The following GLG1 variants were observed in gnomAD, a reference collection of about 807,000 sequenced individuals.
GLG1 encodes Golgi apparatus protein 1.
In GLG1, 38 loss-of-function variants were observed where a neutral mutation model predicts 160.5. The ratio of observed to expected loss-of-function variants is 0.24; its 90% CI spans 0.18 to 0.31. The LOEUF is 0.31. Ranked by LOEUF, GLG1 falls within the 10% of genes least tolerant of loss-of-function variation. The probability of loss-of-function intolerance (pLI) is 1.00; values close to 1 mark genes in which losing one functional copy is unlikely to be tolerated. For missense variants in GLG1, 1,373 were observed against 1,505.2 expected, an observed-to-expected ratio of 0.91 and a Z score of 1.45; for synonymous variants, 644 against 543.4, an observed-to-expected ratio of 1.19 and a Z score of -2.57.
chr16:74,503,775 A>G (rs372303534), intron 3 of GLG1, 29 bp from the exon 4 acceptor site: 20 of 1,381,344 alleles, frequency 1.4e-5, no homozygotes, highest in Non-Finnish European at 1.5e-5. Context: ...CTGTTTTACA[A>G]AAGTGTTCCA....
chr16:74,513,079 C>T (rs764075037), intron 2 of GLG1, among the ~76,000 whole-genome samples: 9 of 152,164 alleles, frequency 5.9e-5, no homozygotes, highest in Non-Finnish European at 1.3e-4. Flanking sequence ...GGTCAGATCA[C>T]ATTGAATACC....
chr16:74,556,130 G>A (rs185962048), intron 1 of GLG1, among the ~76,000 whole-genome samples: 1 of 152,134 alleles, frequency 6.6e-6, no homozygotes, highest in Non-Finnish European at 1.5e-5. Context: ...TGAGCCACTG[G>A]TAAGAATAAA....
At chr16:74,603,425 G>C (rs1179990678) in intron 1 of GLG1, among the ~76,000 whole-genome samples, 1 of 136,944 alleles carries the variant, frequency 7.3e-6, no homozygotes, top group Non-Finnish European at 1.6e-5. Context: ...AAAAAAAAAA[G>C]AAAATCTAAT....
At chr16:74,498,448 G>GTACATATATATATATATATATATATA (rs2016281642) in intron 4 of GLG1, among the ~76,000 whole-genome samples, 1 of 24,038 alleles carries the variant, frequency 4.2e-5, no homozygotes, top group Non-Finnish European at 7.7e-5. Context: ...AAAAAAAAAA[G>GTACATATATATATATATATATATATA]TATATATATA....
chr16:74,513,137 G>GTTATC (rs2016867133), intron 2 of GLG1, among the ~76,000 whole-genome samples: 1 of 152,144 alleles, frequency 6.6e-6, no homozygotes, highest in Non-Finnish European at 1.5e-5. Context: ...GAAATGGAAG[G>GTTATC]TTAATGGATA....
chr16:74,497,066 G>C (rs747081782), intron 4 of GLG1, among the ~76,000 whole-genome samples: 1 of 152,004 alleles, frequency 6.6e-6, no homozygotes, highest in African/African-American at 2.4e-5. Flanking sequence ...ATCACCTGAG[G>C]TCAGGAGTTC....
At chr16:74,575,010 G>GCGGC (rs1555518662) in intron 1 of GLG1, among the ~76,000 whole-genome samples, 1 of 38,166 alleles carries the variant, frequency 2.6e-5, no homozygotes, top group African/African-American at 1.0e-4. Flanking sequence ...GGAGGCCGGG[G>GCGGC]GGGGGGGGGG....
In GLG1 at chr16:74,491,091, G is replaced by A. The variant is rs769406111; in HGVS notation, c.1359C>T (p.Ser453=). 23 of 1,613,884 alleles carry A rather than the reference G, an allele frequency of 1.4e-5. No homozygotes were observed. Among genetic ancestry groups the A allele is most frequent in the African/African-American group, 6.7e-5 (5 of 74,872 alleles). ...SCRGEIEHHC[S]GLHRKGRTLH... The stretch of plus-strand genomic sequence containing the variant: ...GGGTCCGCCCTTTTCGATGTAATCC[G>A]GAACAATGGTGTTCAATCTCCCCCC... The change falls in exon 8 of 26, where the codon TCC becomes TCT. Residue 453 remains serine, a synonymous_variant. Coordinates refer to ENST00000422840, the MANE Select transcript of GLG1 (RefSeq NM_001145667.2).
intron 2 of GLG1, among the ~76,000 whole-genome samples, chr16:74,523,279 C>T (rs1205583198): frequency 6.6e-6 from 1 of 152,258 alleles, no homozygotes; most frequent in South Asian, 2.1e-4. Flanking sequence ...GAATGGCATA[C>T]ATTAAGGGTT....
intron 1 of GLG1, among the ~76,000 whole-genome samples, chr16:74,539,389 C>T (rs532135869): frequency 6.6e-6 from 1 of 152,164 alleles, no homozygotes; most frequent in East Asian, 1.9e-4. Flanking sequence ...ATCCCTGGTT[C>T]TTAAAAGGTC....
At chr16:74,471,335 CA>C (rs1271100579) in intron 14 of GLG1, 49 bp from the exon 15 acceptor site, 1 of 1,056,900 alleles carries the variant, frequency 9.5e-7, no homozygotes, top group Non-Finnish European at 1.5e-6. Context: ...AATTAATGAA[CA>C]AAACTTGTAG....
chr16:74,508,656 G>GT lies in GLG1; in HGVS notation c.558+182dup, dbSNP rs1441093334. ...CTGCCTCAATCAATAGTATCCTAAT[G>GT]TAAGCGTAGGTGGACATTAACAAAA... On this transcript the variant is annotated intron_variant, in intron 3 of 25. Coordinates refer to ENST00000422840, the MANE Select transcript of GLG1 (RefSeq NM_001145667.2). Among the ~76,000 whole-genome samples, 5 of 152,226 alleles carry GT rather than the reference G, an allele frequency of 3.3e-5. No individual in the cohort carries two copies. The South Asian group carries it at 1.0e-3, about 32-fold the overall frequency.
In GLG1 at chr16:74,448,194, G is replaced by T. The variant is rs1334782618; in HGVS notation, c.*4973C>A. On this transcript the variant is annotated 3_prime_UTR_variant, in exon 26 of 26. Transcript: ENST00000422840. Reference sequence around the variant, plus strand: ...ATGACTTATCTATTATCTGAAGTCTGTGGAGGAAGGACCAAGAAGGGGTGC... The same window carrying T: ...ATGACTTATCTATTATCTGAAGTCTTTGGAGGAAGGACCAAGAAGGGGTGC... 6.6e-6 allele frequency: 1 copy of T among 152,290 alleles called. No individual in the cohort carries two copies. The highest frequency in any genetic ancestry group is 1.5e-5 in the Non-Finnish European group (1 of 68,094). 9.4% of individuals were successfully genotyped at this position (152,290 alleles called of 1,614,324 possible).
intron 1 of GLG1, among the ~76,000 whole-genome samples, chr16:74,560,065 A>G (rs1016558887): frequency 1.3e-5 from 2 of 152,090 alleles, no homozygotes; most frequent in Non-Finnish European, 1.5e-5. Context: ...ATGATGGTTA[A>G]TTTTTTGTGT....
In GLG1 at chr16:74,483,007, G is replaced by C. The variant is rs779711634; in HGVS notation, c.1673+16C>G. On this transcript the variant is annotated intron_variant, in intron 10 of 25. Transcript: ENST00000422840. ...AGGCTGAGGCAATACATTTACTTTG[G>C]CTTCAAAATACTCACTTCCAATCCC... The C allele has an allele frequency of 1.5e-6, 2 of 1,364,716 alleles. No individual in the cohort carries two copies. Among genetic ancestry groups the C allele is most frequent in the South Asian group, 2.3e-5 (2 of 85,986 alleles). 84.5% of individuals were successfully genotyped at this position (1,364,716 alleles called of 1,614,324 possible).
chr16:74,463,442 T>C lies in GLG1; in HGVS notation c.2705A>G (p.Gln902Arg). ...ACTGTTTTTATTTTGCTTCAAGCAC[T>C]GCAACATGGTTTTAGAATCTGCTTC... ...CPEADSKTML[Q>R]CLKQNKNSEL... The change falls in exon 20 of 26, where the codon CAG becomes CGG. Residue 902 changes from glutamine (Q) to arginine (R), a missense_variant. Physicochemically the swap from Gln to Arg is conservative, Grantham distance 43. Coordinates refer to ENST00000422840, the MANE Select transcript of GLG1 (RefSeq NM_001145667.2). The C allele has an allele frequency of 6.2e-7, 1 of 1,613,730 alleles. No homozygotes were observed. The highest frequency in any genetic ancestry group is 8.5e-7 in the Non-Finnish European group (1 of 1,179,572).
Position 74,457,943 on chromosome 16 carries a change from C to G in GLG1, c.3196G>C (p.Val1066Leu). 1.9e-6 allele frequency: 3 copies of G among 1,613,650 alleles called. No individual in the cohort carries two copies. The highest frequency in any genetic ancestry group is 2.5e-6 in the Non-Finnish European group (3 of 1,179,624). The stretch of plus-strand genomic sequence containing the variant: ...TCCAGGGCACAAGCAGTATGAAGTA[C>G]CGGGTCAACAAAGATGTCTGCTTTG... ...ESKADIFVDP[V>L]LHTACALDIK... Residue 1066 changes from valine to leucine, a missense_variant, in exon 24 of 26, where the codon GTA (valine) becomes CTA (leucine). By Grantham distance (32) the Val-to-Leu change is conservative. Coordinates refer to ENST00000422840, the MANE Select transcript of GLG1 (RefSeq NM_001145667.2).
At chr16:74,462,334 C>G in intron 21 of GLG1, 139 bp from the exon 22 acceptor site, 1 of 818,960 alleles carries the variant, frequency 1.2e-6, no homozygotes, top group South Asian at 1.7e-5. Flanking sequence ...AAACAAAATG[C>G]CTGCTTTTGA....
At chr16:74,498,447 A>AAATATATATATATAT (rs1491293119) in intron 4 of GLG1, among the ~76,000 whole-genome samples, 2 of 8,206 alleles carry the variant, frequency 2.4e-4, no homozygotes, top group Non-Finnish European at 7.8e-4. Flanking sequence ...AAAAAAAAAA[A>AAATATATATATATAT]GTATATATAT....
Sources: gnomAD v4.1 joint callset for allele counts (sites outside exome capture counted in the v4.1 genomes callset) on GRCh38, gnomAD v4.1.1 for gene constraint, MANE v1.5 for transcripts, NCBI Gene and HGNC (gene_info 2026-07-23, HGNC 2026-07-21) for gene names.